SLC41A3: variants seen among roughly 807,000 people sequenced by gnomAD.
SLC41A3 encodes SLC41A1-like 2.
In SLC41A3, 44 loss-of-function variants were observed where a neutral mutation model predicts 45.4. The observed-to-expected ratio is 0.97, with a 90% CI of 0.76 to 1.25. The LOEUF (loss-of-function observed/expected upper bound fraction) is 1.25. Among genes scored for constraint, SLC41A3 ranks in the 50% most tolerant of loss-of-function variants. The probability of loss-of-function intolerance (pLI) is 0.00; values close to 1 mark genes in which losing one functional copy is unlikely to be tolerated. For missense variants in SLC41A3, 550 were observed against 600.6 expected (o/e 0.92, Z 0.88); for synonymous variants, 256 against 252.4 (o/e 1.01, Z -0.13).
At chr3:126,013,002 G>A (rs66532274) in intron 8 of SLC41A3, among the ~76,000 whole-genome samples, 35,929 of 151,826 alleles carry the variant, frequency 0.24, 4,723 homozygotes, top group African/African-American at 0.35. Context: ...AGGGGAGTGC[G>A]GCTGTAAAGT....
chr3:126,021,535 A>G (rs1339463744), intron 6 of SLC41A3, among the ~76,000 whole-genome samples: 4 of 152,054 alleles, frequency 2.6e-5, no homozygotes, highest in African/African-American at 9.7e-5. Flanking sequence ...ATGGCCACTT[A>G]TTATCTTAGA....
At chr3:126,012,864 TTA>T in intron 8 of SLC41A3, 115 bp from the exon 9 acceptor site, 1 of 1,467,470 alleles carries the variant, frequency 6.8e-7, no homozygotes, top group Non-Finnish European at 9.2e-7. Context: ...CAGTATTTCA[TTA>T]TCTTTTCCTT....
chr3:126,033,721 C>T (rs772849419), intron 3 of SLC41A3, 43 bp from the exon 4 acceptor site: 2 of 1,590,904 alleles, frequency 1.3e-6, no homozygotes, highest in South Asian at 1.1e-5. Flanking sequence ...TGGCTAGGCC[C>T]AAAGCCAGGT....
chr3:126,008,693 A>G, intron 10 of SLC41A3, 39 bp downstream of exon 10: 1 of 1,606,290 alleles, frequency 6.2e-7, no homozygotes, highest in Non-Finnish European at 8.5e-7. Flanking sequence ...CTGGCTGACT[A>G]CACAGCTGCG....
At chr3:126,072,124 T>C (rs1944648521) in intron 1 of SLC41A3, among the ~76,000 whole-genome samples, 1 of 151,974 alleles carries the variant, frequency 6.6e-6, no homozygotes, top group Admixed American at 6.5e-5. Flanking sequence ...ACAAGATAAA[T>C]TAGAAATTTC....
rs1939855450 is a variant in SLC41A3, at chr3:126,012,767, ATC to A, written c.971-20_971-19del. ...ACCAACACCTACGAGGAGAAAAGGA[ATC>A]TGTTTTCCCTTTCTTTACGCCAGTC... On this transcript the variant is annotated intron_variant, in intron 8 of 10. Transcript: ENST00000360370. The A allele has an allele frequency of 1.9e-6, 3 of 1,613,828 alleles. No individual in the cohort carries two copies. Among genetic ancestry groups the A allele is most frequent in the Non-Finnish European group, 2.5e-6 (3 of 1,179,798 alleles).
chr3:126,010,530 C>G (rs1005520379), intron 9 of SLC41A3, among the ~76,000 whole-genome samples: 1 of 152,196 alleles, frequency 6.6e-6, no homozygotes, highest in Non-Finnish European at 1.5e-5. Context: ...AAAGGGGAAG[C>G]CCGGCAAAAC....
At position 126,029,657 on chromosome 3, in the gene SLC41A3, G is replaced by A. The variant is rs1450422238; in HGVS notation, c.454-3178C>T. 2.0e-5 allele frequency among the ~76,000 whole-genome samples: 3 copies of A among 152,132 alleles called. No homozygotes were observed. In the East Asian group the frequency reaches 5.8e-4, roughly 29 times the overall value. On this transcript the variant is annotated intron_variant, in intron 4 of 10. Transcript: ENST00000360370. ...GTTAATCCATGTAATTCCAGTCAAAGTCCCAACAAGATCTTTCACGGCACT... is the reference window on the plus strand; with the variant it reads ...GTTAATCCATGTAATTCCAGTCAAAATCCCAACAAGATCTTTCACGGCACT...
intron 2 of SLC41A3, chr3:126,056,854 G>C (rs550915937): frequency 1.7e-6 from 2 of 1,204,060 alleles, no homozygotes; most frequent in Non-Finnish European, 2.1e-6. Context: ...TGTGTCCGCC[G>C]GGACCTCCCT....
chr3:126,043,725 C>T (rs1942745680), intron 3 of SLC41A3, among the ~76,000 whole-genome samples: 1 of 151,078 alleles, frequency 6.6e-6, no homozygotes, highest in South Asian at 2.1e-4. Flanking sequence ...TGTATGTAAT[C>T]CTCATGGTAA....
chr3:126,044,722 C>T (rs1279160828), intron 3 of SLC41A3, among the ~76,000 whole-genome samples: 2 of 151,214 alleles, frequency 1.3e-5, no homozygotes, highest in East Asian at 1.9e-4. Context: ...AGTGAAACCC[C>T]ATCTCTACTA....
chr3:126,022,254 A>G (rs1161821504), intron 6 of SLC41A3, among the ~76,000 whole-genome samples: 3 of 152,248 alleles, frequency 2.0e-5, no homozygotes, highest in Non-Finnish European at 4.4e-5. Context: ...CGCTGGTAAC[A>G]ATATTATCTG....
chr3:126,068,323 C>T, intron 1 of SLC41A3, 77 bp from the exon 2 acceptor site: 2 of 1,359,240 alleles, frequency 1.5e-6, no homozygotes, highest in Non-Finnish European at 1.9e-6. Context: ...CCTCAGGCAC[C>T]TGTCCAGCCC....
intron 6 of SLC41A3, among the ~76,000 whole-genome samples, chr3:126,022,199 C>G (rs1940946088): frequency 1.3e-5 from 2 of 152,212 alleles, no homozygotes; most frequent in Non-Finnish European, 2.9e-5. Flanking sequence ...ACTGAAATTG[C>G]CACAAAGTTG....
intron 2 of SLC41A3, chr3:126,056,882 A>T: frequency 8.6e-7 from 1 of 1,161,452 alleles, no homozygotes; most frequent in Non-Finnish European, 1.1e-6. Flanking sequence ...TCTGCCATGG[A>T]GGCTCATGGT....
At chr3:126,071,511 G>T (rs1343250520) in intron 1 of SLC41A3, among the ~76,000 whole-genome samples, 1 of 152,088 alleles carries the variant, frequency 6.6e-6, no homozygotes, top group Non-Finnish European at 1.5e-5. Flanking sequence ...TTCAACAAAA[G>T]AAAGAGGACT....
intron 1 of SLC41A3, among the ~76,000 whole-genome samples, chr3:126,091,454 C>CA (rs550824148): frequency 6.6e-6 from 1 of 152,108 alleles, no homozygotes; most frequent in Non-Finnish European, 1.5e-5. Flanking sequence ...GAGAGGCTTC[C>CA]AGGTCACAGG....
chr3:126,050,880 C>T, intron 3 of SLC41A3, 63 bp downstream of exon 3: 1 of 1,541,570 alleles, frequency 6.5e-7, no homozygotes, highest in Non-Finnish European at 8.8e-7. Flanking sequence ...CAGGGGAGAC[C>T]AGGTGGTAGG....
intron 1 of SLC41A3, among the ~76,000 whole-genome samples, chr3:126,090,614 A>C (rs1945471861): frequency 1.3e-5 from 2 of 152,240 alleles, no homozygotes; most frequent in Non-Finnish European, 2.9e-5. Context: ...TATAATTGTC[A>C]AACTATAAAT....
Sources: gnomAD v4.1 joint callset for allele counts (sites outside exome capture counted in the v4.1 genomes callset) on GRCh38, gnomAD v4.1.1 for gene constraint, MANE v1.5 for transcripts, NCBI Gene and HGNC (gene_info 2026-07-23, HGNC 2026-07-21) for gene names.